Variants in BMPR1A observed in about 807,000 individuals in gnomAD.
BMPR1A encodes bone morphogenetic protein receptor type-1A.
BMPR1A carries 7 observed loss-of-function variants against 66.0 expected under a neutral mutation model. The observed-to-expected ratio is 0.11, with a 90% CI of 0.06 to 0.20. The LOEUF (loss-of-function observed/expected upper bound fraction) is 0.20, where lower values mean the gene tolerates loss of function less well. Ranked by LOEUF, BMPR1A falls within the 10% of genes least tolerant of loss-of-function variation. The pLI is 1.00. For missense variants in BMPR1A, 408 were observed against 669.1 expected (o/e 0.61, Z 4.31); for synonymous variants, 200 against 229.7 (o/e 0.87, Z 1.17).
intron 1 of BMPR1A, among the ~76,000 whole-genome samples, chr10:86,805,392 A>G (rs1415328827): frequency 6.6e-6 from 1 of 150,556 alleles, no homozygotes; most frequent in Non-Finnish European, 1.5e-5. Flanking sequence ...ACACACACAC[A>G]CACACACACA....
At position 86,919,605 on chromosome 10, in the gene BMPR1A, G is replaced by A. The variant is rs996553373; in HGVS notation, c.1166+136G>A. 6.4e-5 allele frequency: 77 copies of A among 1,209,382 alleles called. No homozygotes were observed. The African/African-American group carries it at 1.1e-3, about 18-fold the overall frequency. The allele number at this position is 1,209,382 out of a possible 1,614,324, so 74.9% of individuals were successfully genotyped here. ...AGTTACATAAATGTATAGTTGGGGG[G>A]GATTTTGTTCTTTTTACAAAAATTG... On this transcript the variant is annotated intron_variant, in intron 10 of 12. Transcript: ENST00000372037.
chr10:86,813,240 G>A (rs1008701999), intron 1 of BMPR1A, among the ~76,000 whole-genome samples: 5 of 152,148 alleles, frequency 3.3e-5, no homozygotes, highest in African/African-American at 9.7e-5. Flanking sequence ...AGGCTTCTGA[G>A]TCCTTCTAAA....
chr10:86,808,114 A>G (rs753487750), intron 1 of BMPR1A, among the ~76,000 whole-genome samples: 4 of 152,136 alleles, frequency 2.6e-5, no homozygotes, highest in African/African-American at 9.7e-5. Flanking sequence ...TGGATTATCT[A>G]TATCTTCTTG....
At chr10:86,826,434 A>C (rs1842196594) in intron 1 of BMPR1A, among the ~76,000 whole-genome samples, 1 of 151,798 alleles carries the variant, frequency 6.6e-6, no homozygotes, top group Non-Finnish European at 1.5e-5. Context: ...ACACACACAC[A>C]CACACACCCG....
chr10:86,763,792 T>TA (rs1230058317), intron 1 of BMPR1A, among the ~76,000 whole-genome samples: 1 of 145,660 alleles, frequency 6.9e-6, no homozygotes, highest in Non-Finnish European at 1.5e-5. Context: ...GGATAGTTGT[T>TA]TTTTTTTTTT....
intron 1 of BMPR1A, among the ~76,000 whole-genome samples, chr10:86,777,474 G>A (rs1841369615): frequency 6.6e-6 from 1 of 152,074 alleles, no homozygotes; most frequent in South Asian, 2.1e-4. Flanking sequence ...CCAGCTACTT[G>A]GGAGGCTAAA....
chr10:86,830,245 G>T (rs370270493), intron 1 of BMPR1A, among the ~76,000 whole-genome samples: 1 of 152,352 alleles, frequency 6.6e-6, no homozygotes, highest in East Asian at 1.9e-4. Context: ...GAAGAAGAGG[G>T]TAATCAGACA....
chr10:86,856,810 G>A (rs1589748671), intron 2 of BMPR1A, among the ~76,000 whole-genome samples: 1 of 152,116 alleles, frequency 6.6e-6, no homozygotes, highest in Non-Finnish European at 1.5e-5. Context: ...CTGTTATTCC[G>A]ATTAACTGGC....
intron 1 of BMPR1A, among the ~76,000 whole-genome samples, chr10:86,836,328 T>C (rs73348053): frequency 0.017 from 2,531 of 152,316 alleles, 77 homozygotes; most frequent in African/African-American, 0.058. Context: ...CAACTTCCAG[T>C]GTGTACAATG....
intron 7 of BMPR1A, among the ~76,000 whole-genome samples, chr10:86,904,685 A>G (rs1459971843): frequency 6.6e-6 from 1 of 152,146 alleles, no homozygotes; most frequent in Non-Finnish European, 1.5e-5. Context: ...GATCTAAGTG[A>G]CCCTGGCACA....
rs376613077 is a variant in BMPR1A, at chr10:86,774,798, T to A, written c.-268+17879T>A. Among the ~76,000 whole-genome samples, 124 of 152,328 alleles carry A rather than the reference T, an allele frequency of 8.1e-4. 1 individual carries two copies. The highest frequency in any genetic ancestry group is 1.4e-3 in the South Asian group (7 of 4,828). On this transcript the variant is annotated intron_variant, in intron 1 of 12. Transcript: ENST00000372037. ...GGGATTATATTAGTGTCATTTACAC[T>A]AAATAAATCTAAGGAGGAAAACAAT... is the stretch of plus-strand genomic sequence containing the variant.
chr10:86,773,320 G>A (rs1323214225), intron 1 of BMPR1A, among the ~76,000 whole-genome samples: 1 of 152,042 alleles, frequency 6.6e-6, no homozygotes, highest in African/African-American at 2.4e-5. Context: ...CAGGTGTGGT[G>A]GCTCACGCCT....
At chr10:86,851,319 AT>A (rs1842564109) in intron 2 of BMPR1A, among the ~76,000 whole-genome samples, 1 of 152,158 alleles carries the variant, frequency 6.6e-6, no homozygotes, top group Admixed American at 6.5e-5. Flanking sequence ...AGTTATTACT[AT>A]TTTTTATTTC....
chr10:86,896,127 C>A (rs1195462705), intron 5 of BMPR1A, among the ~76,000 whole-genome samples: 1 of 149,792 alleles, frequency 6.7e-6, no homozygotes, highest in Non-Finnish European at 1.5e-5. Context: ...GCACTCTAGC[C>A]TGGGTAACAG....
chr10:86,920,783 C>T (rs770649609), intron 10 of BMPR1A, among the ~76,000 whole-genome samples: 22 of 150,352 alleles, frequency 1.5e-4, no homozygotes, highest in Non-Finnish European at 2.8e-4. Context: ...AGCGATTCCT[C>T]TTGTATTTTC....
chr10:86,894,787 G>T (rs1843201943), intron 5 of BMPR1A, among the ~76,000 whole-genome samples: 1 of 152,186 alleles, frequency 6.6e-6, no homozygotes, highest in African/African-American at 2.4e-5. Flanking sequence ...TGTTAGCTTT[G>T]ACCATATTGA....
At chr10:86,851,544 A>G (rs776072091) in intron 2 of BMPR1A, among the ~76,000 whole-genome samples, 2 of 152,208 alleles carry the variant, frequency 1.3e-5, no homozygotes, top group African/African-American at 2.4e-5. Flanking sequence ...CAAGATCTGC[A>G]AAGCAGCTGT....
chr10:86,796,693 C>T (rs1841716751), intron 1 of BMPR1A, among the ~76,000 whole-genome samples: 1 of 151,928 alleles, frequency 6.6e-6, no homozygotes, highest in Admixed American at 6.6e-5. Flanking sequence ...GCTTCCACCT[C>T]AGCCTCCCAA....
chr10:86,931,483 C>A (rs573084983), downstream of BMPR1A: 1 of 150,808 alleles, frequency 6.6e-6, no homozygotes, highest in East Asian at 2.0e-4. Flanking sequence ...ACTGAAAGAC[C>A]TACACTGCTG....
Sources: gnomAD v4.1 joint callset for allele counts (sites outside exome capture counted in the v4.1 genomes callset) on GRCh38, gnomAD v4.1.1 for gene constraint, MANE v1.5 for transcripts, NCBI Gene and HGNC (gene_info 2026-07-23, HGNC 2026-07-21) for gene names.